The following CNGB3 variants were observed in gnomAD, a reference collection of about 807,000 sequenced individuals.
CNGB3 encodes cyclic nucleotide-gated channel beta-3.
CNGB3 carries 86 observed loss-of-function variants against 92.8 expected under a neutral mutation model. The observed-to-expected ratio is 0.93, with a 90% confidence interval of 0.78 to 1.11. CNGB3 has a LOEUF of 1.11. Among genes scored for constraint, CNGB3 ranks in the 50% least tolerant of loss-of-function variants. The probability of loss-of-function intolerance (pLI) is 0.00; values close to 1 mark genes in which losing one functional copy is unlikely to be tolerated. For synonymous variants in CNGB3, 333 were observed against 332.7 expected (o/e 1.00, Z -0.01); for missense variants, 1,026 against 956.8 (o/e 1.07, Z -0.95).
At chr8:86,594,181 C>T (rs1363350192) in intron 15 of CNGB3, 2 of 277,120 alleles carry the variant, frequency 7.2e-6, no homozygotes, top group South Asian at 7.5e-5. Flanking sequence ...CGATCACCCA[C>T]TGGGGCTCCC....
intron 15 of CNGB3, among the ~76,000 whole-genome samples, chr8:86,598,915 T>A (rs578086721): frequency 2.0e-5 from 3 of 152,220 alleles, no homozygotes; most frequent in African/African-American, 7.2e-5. Flanking sequence ...GTTCCTAGGA[T>A]TAGGATGTGG....
intron 10 of CNGB3, 130 bp downstream of exon 10, chr8:86,643,620 TG>T: frequency 1.0e-6 from 1 of 963,456 alleles, no homozygotes; most frequent in Non-Finnish European, 1.6e-6. Flanking sequence ...TCCTTTTTTA[TG>T]GCCAAATAGC....
intron 13 of CNGB3, among the ~76,000 whole-genome samples, chr8:86,624,028 T>C (rs1822794516): frequency 6.6e-6 from 1 of 152,234 alleles, no homozygotes; most frequent in South Asian, 2.1e-4. Context: ...TAAGGCCTTT[T>C]CTTCACACAG....
intron 15 of CNGB3, among the ~76,000 whole-genome samples, chr8:86,602,502 T>C (rs1233095876): frequency 2.0e-5 from 3 of 152,142 alleles, no homozygotes; most frequent in Admixed American, 6.5e-5. Flanking sequence ...GGTATAAAGA[T>C]CACTGGACCC....
In CNGB3 at chr8:86,604,186, A is replaced by T. The variant is rs794727151; in HGVS notation, c.1688T>A (p.Ile563Asn). Reference protein sequence around the residue: ...KKGEIGKEMYIIKHGEVQVLG... With the variant: ...KKGEIGKEMYNIKHGEVQVLG... ...AACTTGGACTTCTCCATGCTTGATGATATACATTTCCTTGCCAATTTCTCC... is the reference window on the plus strand; with the variant it reads ...AACTTGGACTTCTCCATGCTTGATGTTATACATTTCCTTGCCAATTTCTCC... The change falls in exon 15 of 18, where the codon ATC becomes AAC. Residue 563 changes from isoleucine to asparagine, a missense_variant. Ile to Asn is a moderately radical substitution (Grantham distance 149). Transcript: ENST00000320005. 1 of 1,612,702 alleles carries T rather than the reference A, an allele frequency of 6.2e-7. No individual in the cohort carries two copies. Among genetic ancestry groups the T allele is most frequent in the Admixed American group, 1.7e-5 (1 of 59,988 alleles).
intron 2 of CNGB3, among the ~76,000 whole-genome samples, chr8:86,734,419 A>G (rs1357845657): frequency 6.6e-6 from 1 of 152,130 alleles, no homozygotes; most frequent in Non-Finnish European, 1.5e-5. Flanking sequence ...AAAGACTGGG[A>G]TGGAGATTAT....
At chr8:86,741,322 A>G (rs1045791423) in intron 1 of CNGB3, among the ~76,000 whole-genome samples, 3 of 152,226 alleles carry the variant, frequency 2.0e-5, no homozygotes, top group Non-Finnish European at 4.4e-5. Flanking sequence ...CCATACCCAC[A>G]TGTTCTTGGA....
intron 3 of CNGB3, among the ~76,000 whole-genome samples, chr8:86,716,727 A>G (rs950241410): frequency 6.6e-6 from 1 of 152,232 alleles, no homozygotes; most frequent in Admixed American, 6.5e-5. Context: ...GGGGCTCTAA[A>G]TCTTGAAATA....
chr8:86,704,602 G>A (rs1285416751), intron 3 of CNGB3, among the ~76,000 whole-genome samples: 1 of 152,130 alleles, frequency 6.6e-6, no homozygotes, highest in East Asian at 1.9e-4. Context: ...GGGACTTGGA[G>A]GTTTCTCTCT....
intron 4 of CNGB3, 29 bp from the exon 5 acceptor site, chr8:86,668,197 C>T (rs1202562073): frequency 6.2e-7 from 1 of 1,608,168 alleles, no homozygotes; most frequent in South Asian, 1.1e-5. Flanking sequence ...AAAGATGAAA[C>T]ATTTGAAGAG....
At chr8:86,638,457 A>C (rs1335242742) in intron 10 of CNGB3, among the ~76,000 whole-genome samples, 1 of 152,126 alleles carries the variant, frequency 6.6e-6, no homozygotes, top group Admixed American at 6.6e-5. Context: ...GTAGTGGGAC[A>C]TGCAATTTTT....
Position 86,707,248 on chromosome 8 carries a change from A to G in CNGB3, c.338+19283T>C, listed in dbSNP as rs556481704. ...ATAGAAATAAGCATAACAAACTCCTATCTTTATATTTGAAGATATGTTACT... is the reference window on the plus strand; with the variant it reads ...ATAGAAATAAGCATAACAAACTCCTGTCTTTATATTTGAAGATATGTTACT... On this transcript the variant is annotated intron_variant, in intron 3 of 17. Transcript: ENST00000320005. 3.3e-5 allele frequency among the ~76,000 whole-genome samples: 5 copies of G among 152,318 alleles called. No homozygotes were observed. In the South Asian group the frequency reaches 1.0e-3, roughly 32 times the overall value.
In CNGB3 at chr8:86,628,993, T is replaced by C; in HGVS notation, c.1406A>G (p.Tyr469Cys). The C allele has an allele frequency of 6.2e-7, 1 of 1,613,972 alleles. No homozygotes were observed. Among genetic ancestry groups the C allele is most frequent in the African/African-American group, 1.3e-5 (1 of 75,016 alleles). Reference protein sequence around the residue: ...MDDTIAYMNNYSIPKLVQKRV... With the variant: ...MDDTIAYMNNCSIPKLVQKRV... Reference sequence around the variant, plus strand: ...CTTTTGCACAAGTTTAGGAATGGAGTAATTGTTCATGTAGGCAATGGTGTC... The same window carrying C: ...CTTTTGCACAAGTTTAGGAATGGAGCAATTGTTCATGTAGGCAATGGTGTC... Residue 469 changes from tyrosine to cysteine, a missense_variant, in exon 12 of 18, where the codon TAC becomes TGC. By Grantham distance (194) the Tyr-to-Cys change is radical. Coordinates refer to ENST00000320005, the MANE Select transcript of CNGB3 (RefSeq NM_019098.5).
At chr8:86,599,468 C>T (rs937116614) in intron 15 of CNGB3, among the ~76,000 whole-genome samples, 2 of 152,164 alleles carry the variant, frequency 1.3e-5, no homozygotes, top group South Asian at 4.1e-4. Flanking sequence ...TAACCTTAAA[C>T]TCTGACTGCC....
intron 16 of CNGB3, 24 bp from the exon 17 acceptor site, chr8:86,578,887 T>G: frequency 6.2e-7 from 1 of 1,614,036 alleles, no homozygotes; most frequent in South Asian, 1.1e-5. Context: ...AGAAAAGCTG[T>G]TTTAGGTAAC....
intron 15 of CNGB3, chr8:86,593,811 C>T: frequency 2.4e-6 from 3 of 1,267,594 alleles, no homozygotes; most frequent in South Asian, 2.4e-5. Context: ...CGCAGCTTGT[C>T]CACATCTGTC....
intron 15 of CNGB3, among the ~76,000 whole-genome samples, chr8:86,595,396 G>A (rs1262453759): frequency 6.6e-6 from 1 of 152,084 alleles, no homozygotes; most frequent in African/African-American, 2.4e-5. Context: ...GGAATCCTGA[G>A]GATATTTGAA....
intron 13 of CNGB3, among the ~76,000 whole-genome samples, chr8:86,613,739 A>G (rs1822562170): frequency 6.6e-6 from 1 of 151,686 alleles, no homozygotes; most frequent in African/African-American, 2.4e-5. Flanking sequence ...TCAAAAATGA[A>G]ATTTTTATTC....
intron 11 of CNGB3, among the ~76,000 whole-genome samples, chr8:86,631,311 G>T (rs933007256): frequency 6.6e-6 from 1 of 152,144 alleles, no homozygotes; most frequent in Non-Finnish European, 1.5e-5. Flanking sequence ...TGAGTAACAA[G>T]ATAATTGAAC....
Sources: allele counts gnomAD v4.1 joint callset (sites outside exome capture counted in the v4.1 genomes callset), GRCh38; gene constraint gnomAD v4.1.1; transcripts MANE v1.5; gene names NCBI Gene and HGNC (gene_info 2026-07-23, HGNC 2026-07-21).